KLF12: variants seen among roughly 807,000 people sequenced by gnomAD.
KLF12 encodes the protein Krueppel-like factor 12.
KLF12 carries 9 observed loss-of-function variants against 37.8 expected under a neutral mutation model. That is an observed-to-expected ratio of 0.24 (90% CI 0.14 to 0.42). KLF12 has a LOEUF of 0.42. KLF12 is among the 10% of genes least tolerant of loss of function. The pLI, the probability that KLF12 is intolerant of heterozygous loss-of-function variation, is 1.00. For synonymous variants in KLF12, 208 were observed against 202.1 expected (o/e 1.03, Z -0.25); for missense variants, 411 against 516.0 (o/e 0.80, Z 1.97).
chr13:74,224,304 G>A, the KLF12 span, among the ~76,000 whole-genome samples: 1 of 151,978 alleles, frequency 6.6e-6, no homozygotes, highest in Non-Finnish European at 1.5e-5. Flanking sequence ...CTACCTTCTG[G>A]GATTAATACA....
the KLF12 span, among the ~76,000 whole-genome samples, chr13:74,163,260 T>C: frequency 2.0e-5 from 3 of 152,162 alleles, no homozygotes; most frequent in African/African-American, 7.2e-5. Context: ...AAAATCAGTA[T>C]ATCAAAGAGA....
At chr13:74,171,614 A>G in the KLF12 span, among the ~76,000 whole-genome samples, 2 of 152,212 alleles carry the variant, frequency 1.3e-5, no homozygotes, top group Non-Finnish European at 2.9e-5. Flanking sequence ...AAGTCAATGT[A>G]TTATTTATAG....
chr13:74,069,594 A>G (rs1221102203), intron 1 of KLF12, among the ~76,000 whole-genome samples: 1 of 152,198 alleles, frequency 6.6e-6, no homozygotes, highest in Non-Finnish European at 1.5e-5. Flanking sequence ...ACCATAAATT[A>G]TGGGGAATCA....
chr13:74,091,329 T>C (rs1875644860), intron 1 of KLF12, among the ~76,000 whole-genome samples: 4 of 152,220 alleles, frequency 2.6e-5, no homozygotes, highest in African/African-American at 9.6e-5. Context: ...TTTTTAGATA[T>C]GACACCAAAA....
intron 3 of KLF12, among the ~76,000 whole-genome samples, chr13:73,864,067 T>A (rs1228380177): frequency 6.6e-6 from 1 of 152,164 alleles, no homozygotes; most frequent in Non-Finnish European, 1.5e-5. Context: ...ATTAATAATA[T>A]ACTACATGTC....
intron 7 of KLF12, 147 bp downstream of exon 7, chr13:73,715,221 G>C: frequency 1.8e-6 from 1 of 565,514 alleles, no homozygotes; most frequent in Admixed American, 3.6e-5. Flanking sequence ...TCTTTCTCAA[G>C]AGAGAGAGAA....
At chr13:74,256,170 A>G in the KLF12 span, among the ~76,000 whole-genome samples, 1 of 151,544 alleles carries the variant, frequency 6.6e-6, no homozygotes, top group African/African-American at 2.4e-5. Flanking sequence ...AAAAAAAAAA[A>G]GAAGTCAGGA....
chr13:73,863,940 T>C (rs1276025517), intron 3 of KLF12, among the ~76,000 whole-genome samples: 1 of 152,186 alleles, frequency 6.6e-6, no homozygotes, highest in Non-Finnish European at 1.5e-5. Context: ...TTTAGTACAG[T>C]TTTTAATTCT....
At chr13:74,186,527 T>C in the KLF12 span, among the ~76,000 whole-genome samples, 1 of 151,976 alleles carries the variant, frequency 6.6e-6, no homozygotes, top group African/African-American at 2.4e-5. Flanking sequence ...AGGGTGTATT[T>C]GATAGAGACC....
the KLF12 span, among the ~76,000 whole-genome samples, chr13:74,179,768 A>G: frequency 6.6e-6 from 1 of 152,194 alleles, no homozygotes; most frequent in African/African-American, 2.4e-5. Flanking sequence ...CTTTCTATGA[A>G]TGGATGGAGA....
intron 1 of KLF12, among the ~76,000 whole-genome samples, chr13:74,028,344 T>G (rs1479981998): frequency 6.6e-6 from 1 of 152,186 alleles, no homozygotes; most frequent in Non-Finnish European, 1.5e-5. Context: ...TATTATAAAC[T>G]ACATTTAAGA....
At chr13:73,965,090 T>A (rs1425253524) in intron 2 of KLF12, among the ~76,000 whole-genome samples, 2 of 152,078 alleles carry the variant, frequency 1.3e-5, no homozygotes, top group African/African-American at 4.8e-5. Flanking sequence ...TTGTAACCCA[T>A]CTGTGAGGGA....
At chr13:74,280,764 C>A in the KLF12 span, among the ~76,000 whole-genome samples, 1 of 152,050 alleles carries the variant, frequency 6.6e-6, no homozygotes, top group South Asian at 2.1e-4. Context: ...CTACCCTTTT[C>A]CCTAACAGAT....
In KLF12 at chr13:73,934,245, A is replaced by G. The variant is rs189581091; in HGVS notation, c.123+9736T>C. ...GTGGCTGCTCTAGAATTTACAACAT[A>G]AGGCTTTATCACAAGTTATCACTTA... On this transcript the variant is annotated intron_variant, in intron 3 of 7. Transcript: ENST00000377669. Among the ~76,000 whole-genome samples, 15 of 152,186 alleles carry G rather than the reference A, an allele frequency of 9.9e-5. No individual in the cohort carries two copies. In the East Asian group the frequency reaches 2.9e-3, roughly 29 times the overall value.
intron 1 of KLF12, among the ~76,000 whole-genome samples, chr13:74,089,489 C>T (rs1225332586): frequency 6.6e-6 from 1 of 151,994 alleles, no homozygotes; most frequent in African/African-American, 2.4e-5. Flanking sequence ...AAAATTGTGA[C>T]AAAGATACTA....
At chr13:73,858,784 A>G (rs1885748719) in intron 3 of KLF12, among the ~76,000 whole-genome samples, 1 of 152,208 alleles carries the variant, frequency 6.6e-6, no homozygotes. Context: ...AGTAATGGGG[A>G]AAGTTTCAAC....
the KLF12 span, among the ~76,000 whole-genome samples, chr13:74,223,385 A>T: frequency 6.6e-6 from 1 of 152,254 alleles, no homozygotes; most frequent in East Asian, 1.9e-4. Context: ...TTGTTTTTAG[A>T]CTTCTAGTAC....
At chr13:74,103,396 T>C (rs1174950879) in intron 1 of KLF12, among the ~76,000 whole-genome samples, 1 of 152,186 alleles carries the variant, frequency 6.6e-6, no homozygotes, top group Admixed American at 6.5e-5. Flanking sequence ...AAGATGTTAG[T>C]CCAGCTGCCA....
the KLF12 span, among the ~76,000 whole-genome samples, chr13:74,192,845 A>G: frequency 6.6e-5 from 10 of 152,324 alleles, no homozygotes; most frequent in South Asian, 1.7e-3. Flanking sequence ...ATGCTGGCTT[A>G]GTGTTTATTC....
Sources: allele counts gnomAD v4.1 joint callset (sites outside exome capture counted in the v4.1 genomes callset), GRCh38; gene constraint gnomAD v4.1.1; transcripts MANE v1.5; gene names NCBI Gene and HGNC (gene_info 2026-07-23, HGNC 2026-07-21).